DPP6: variants seen among roughly 807,000 people sequenced by gnomAD.
DPP6 encodes dipeptidyl peptidase like 6.
A neutral mutation model predicts 122.6 loss-of-function variants in DPP6; 69 were observed. That is an observed-to-expected ratio of 0.56 (90% CI 0.46 to 0.69). The LOEUF (loss-of-function observed/expected upper bound fraction) is 0.69, where lower values mean the gene tolerates loss of function less well. Ranked by LOEUF, DPP6 falls within the 30% of genes least tolerant of loss-of-function variation. The probability of loss-of-function intolerance (pLI) is 0.00; values close to 1 mark genes in which losing one functional copy is unlikely to be tolerated. For synonymous variants in DPP6, 418 were observed against 433.1 expected, an observed-to-expected ratio of 0.97 and a Z score of 0.43; for missense variants, 928 against 1,116.9, an observed-to-expected ratio of 0.83 and a Z score of 2.41.
At chr7:153,915,977 TTATTTTC>T (rs1800290494) in intron 1 of DPP6, among the ~76,000 whole-genome samples, 1 of 138,290 alleles carries the variant, frequency 7.2e-6, no homozygotes, top group African/African-American at 2.7e-5. Flanking sequence ...ATTTATTTAT[TTATTTTC>T]GAGACAGAGT....
the DPP6 span, among the ~76,000 whole-genome samples, chr7:153,867,042 T>G: frequency 0.074 from 11,284 of 152,234 alleles, 621 homozygotes; most frequent in East Asian, 0.25. Context: ...ACGCTGTTTT[T>G]GTTACTGTAG....
In DPP6 at chr7:153,927,675, G is replaced by C. The variant is rs528533452; in HGVS notation, c.51+39941G>C. ...TATTGTGGATGAGTTAGAAAATATG[G>C]AGAAGATAGAAAAGGTGCTAAGAGT... is the stretch of plus-strand genomic sequence containing the variant. On this transcript the variant is annotated intron_variant, in intron 1 of 25. Coordinates refer to the DPP6 transcript ENST00000404039. Among the ~76,000 whole-genome samples, 17 of 152,292 alleles carry C rather than the reference G, an allele frequency of 1.1e-4. No individual in the cohort carries two copies. The South Asian group carries it at 3.5e-3, about 32-fold the overall frequency.
At chr7:154,116,779 C>G (rs1807020694) in intron 1 of DPP6, among the ~76,000 whole-genome samples, 1 of 152,194 alleles carries the variant, frequency 6.6e-6, no homozygotes, top group Non-Finnish European at 1.5e-5. Context: ...AGACCTGTCT[C>G]TTTTATCAGA....
At chr7:154,678,566 C>T (rs896946695) in intron 7 of DPP6, among the ~76,000 whole-genome samples, 24 of 152,218 alleles carry the variant, frequency 1.6e-4, no homozygotes, top group African/African-American at 4.6e-4. Context: ...AAATTCCGGA[C>T]ACAGCATCTT....
chr7:154,871,377 C>T lies in DPP6; in HGVS notation c.1814-1247C>T, dbSNP rs188803027. Among the ~76,000 whole-genome samples, 3 of 152,342 alleles carry T rather than the reference C, an allele frequency of 2.0e-5. No homozygotes were observed. The East Asian group carries it at 5.8e-4, about 29-fold the overall frequency. On this transcript the variant is annotated intron_variant, in intron 18 of 25. Transcript: ENST00000377770. Reference sequence around the variant, plus strand: ...GTATGAGCCCAGCATCAGGAAGACCCCCTTAGGGATCGCAGGAAATCTGAA... The same window carrying T: ...GTATGAGCCCAGCATCAGGAAGACCTCCTTAGGGATCGCAGGAAATCTGAA...
At chr7:153,841,294 A>C in the DPP6 span, among the ~76,000 whole-genome samples, 1 of 152,224 alleles carries the variant, frequency 6.6e-6, no homozygotes, top group South Asian at 2.1e-4. Context: ...AGTTATCACT[A>C]AATTATGTAA....
intron 1 of DPP6, among the ~76,000 whole-genome samples, chr7:154,210,923 T>A (rs1280595448): frequency 6.6e-6 from 1 of 152,126 alleles, no homozygotes; most frequent in Non-Finnish European, 1.5e-5. Context: ...TCCAATTTGA[T>A]CCTAAAGCAA....
intron 7 of DPP6, among the ~76,000 whole-genome samples, chr7:154,701,569 C>T (rs1007534268): frequency 2.0e-5 from 3 of 152,146 alleles, no homozygotes; most frequent in Non-Finnish European, 2.9e-5. Flanking sequence ...TGTGAATTAG[C>T]GTGGTGTGCG....
intron 16 of DPP6, among the ~76,000 whole-genome samples, chr7:154,810,587 A>G (rs1011011571): frequency 1.3e-5 from 2 of 152,170 alleles, no homozygotes; most frequent in African/African-American, 4.8e-5. Flanking sequence ...TTGTGAAGAG[A>G]TGACTCCATA....
At chr7:153,925,558 A>G (rs983721047) in intron 1 of DPP6, among the ~76,000 whole-genome samples, 1 of 151,770 alleles carries the variant, frequency 6.6e-6, no homozygotes, top group Non-Finnish European at 1.5e-5. Context: ...ATGAGGGGAG[A>G]CCACTCCATA....
intron 5 of DPP6, among the ~76,000 whole-genome samples, chr7:154,576,835 G>C (rs1162816810): frequency 6.6e-6 from 1 of 152,142 alleles, no homozygotes; most frequent in African/African-American, 2.4e-5. Context: ...AGAGAGATCA[G>C]GTATTTTCAG....
intron 10 of DPP6, among the ~76,000 whole-genome samples, chr7:154,775,566 G>A (rs1477109540): frequency 2.6e-5 from 4 of 152,084 alleles, no homozygotes. Context: ...AATTAATAAG[G>A]GAACCAGTGA....
intron 2 of DPP6, among the ~76,000 whole-genome samples, chr7:154,474,301 C>G (rs567295516): frequency 6.6e-6 from 1 of 152,330 alleles, no homozygotes; most frequent in African/African-American, 2.4e-5. Flanking sequence ...AACATCTCAT[C>G]TTGGGATGAA....
intron 4 of DPP6, among the ~76,000 whole-genome samples, chr7:154,566,094 G>A (rs1233174831): frequency 2.6e-5 from 4 of 152,346 alleles, no homozygotes; most frequent in South Asian, 2.1e-4. Flanking sequence ...GACTTGTAGG[G>A]ATGACCATGT....
intron 1 of DPP6, among the ~76,000 whole-genome samples, chr7:154,044,056 T>A (rs972929403): frequency 2.6e-5 from 4 of 151,652 alleles, no homozygotes; most frequent in African/African-American, 9.7e-5. Flanking sequence ...CCGCTGCAGC[T>A]GAGAGTCACT....
At chr7:154,796,225 T>G (rs1474481532) in intron 12 of DPP6, 2 of 246,314 alleles carry the variant, frequency 8.1e-6, no homozygotes, top group Non-Finnish European at 1.5e-5. Context: ...TAATCTACTA[T>G]AGTAAAAGGG....
chr7:153,841,007 G>T, the DPP6 span, among the ~76,000 whole-genome samples: 1 of 152,176 alleles, frequency 6.6e-6, no homozygotes, highest in African/African-American at 2.4e-5. Context: ...CCAATTAAAA[G>T]CTCCTTCCTG....
intron 1 of DPP6, among the ~76,000 whole-genome samples, chr7:154,147,291 T>C (rs368798712): frequency 0.054 from 8,047 of 147,698 alleles, no homozygotes; most frequent in African/African-American, 0.19. Context: ...CCAGTTCTCA[T>C]TCTCTCGTCC....
chr7:154,814,456 A>G (rs928556638), intron 16 of DPP6, among the ~76,000 whole-genome samples: 1 of 152,166 alleles, frequency 6.6e-6, no homozygotes, highest in Non-Finnish European at 1.5e-5. Context: ...CCGCAGACCA[A>G]CGCCTGTGAC....
Sources: allele counts gnomAD v4.1 joint callset (sites outside exome capture counted in the v4.1 genomes callset), GRCh38; gene constraint gnomAD v4.1.1; transcripts MANE v1.5; gene names NCBI Gene and HGNC (gene_info 2026-07-23, HGNC 2026-07-21).